The following ATP7A variants were observed in gnomAD, a reference collection of about 807,000 sequenced individuals.
ATP7A encodes the protein ATPase copper transporting alpha.
Under a neutral mutation model 83.5 loss-of-function variants are expected in ATP7A, and 7 were observed. The ratio of observed to expected loss-of-function variants is 0.08; its 90% CI spans 0.05 to 0.16. The LOEUF is 0.16. ATP7A is among the 10% of genes least tolerant of loss of function. ATP7A has a pLI of 1.00. For synonymous variants in ATP7A, 354 were observed against 395.2 expected (o/e 0.90, Z 1.24); for missense variants, 940 against 1,120.8 (o/e 0.84, Z 2.30).
intron 6 of ATP7A, among the ~76,000 whole-genome samples, chrX:78,003,894 A>T (rs1557233454): frequency 9.0e-6 from 1 of 111,264 alleles, no homozygotes; most frequent in Admixed American, 9.6e-5. Flanking sequence ...GTGAGCTGAG[A>T]TCACACCACT....
In ATP7A at chrX:78,003,064, T is replaced by C. The variant is rs782356316; in HGVS notation, c.1544-9T>C. On this transcript the variant is annotated splice_polypyrimidine_tract_variant and intron_variant, in intron 5 of 22. Coordinates refer to ENST00000341514, the MANE Select transcript of ATP7A (RefSeq NM_000052.7). ...TTATCTGTATTGTTTTTCTTATCAA[T>C]GCTCTTAGGAATATATTCTATACTT... The C allele has an allele frequency of 1.7e-6, 2 of 1,205,593 alleles. No individual in the cohort carries two copies. The highest frequency in any genetic ancestry group is 3.5e-5 in the South Asian group (2 of 56,751).
intron 6 of ATP7A, among the ~76,000 whole-genome samples, chrX:78,006,794 A>T (rs2077778835): frequency 8.9e-6 from 1 of 112,287 alleles, no homozygotes; most frequent in Non-Finnish European, 1.9e-5. Context: ...ACCATAGTGT[A>T]TTCATGGTTG....
chrX:77,915,769 G>C (rs1299482353), intron 1 of ATP7A, among the ~76,000 whole-genome samples: 1 of 111,723 alleles, frequency 9.0e-6, no homozygotes, highest in African/African-American at 3.2e-5. Flanking sequence ...GCCCAGGCTG[G>C]AGTTGCAATG....
At chrX:77,970,419 C>T (rs1310327140) in intron 1 of ATP7A, among the ~76,000 whole-genome samples, 1 of 111,642 alleles carries the variant, frequency 9.0e-6, no homozygotes, top group Non-Finnish European at 1.9e-5. Flanking sequence ...GCCTGTAATC[C>T]CAGCACTTTG....
chrX:78,026,451 C>T (rs1319583780), intron 14 of ATP7A, among the ~76,000 whole-genome samples: 2 of 111,781 alleles, frequency 1.8e-5, no homozygotes, highest in Admixed American at 1.9e-4. Flanking sequence ...TACTGCTAGA[C>T]CTACAAAAAG....
intron 4 of ATP7A, among the ~76,000 whole-genome samples, chrX:77,991,633 A>G (rs1219683181): frequency 1.8e-5 from 2 of 111,375 alleles, no homozygotes; most frequent in Non-Finnish European, 3.8e-5. Flanking sequence ...TTTTTGAGGG[A>G]CTGCCAGACT....
Position 77,956,994 on chromosome X carries a change from G to T in ATP7A, c.-21-14627G>T, listed in dbSNP as rs1374380783. On this transcript the variant is annotated intron_variant, in intron 1 of 22. Transcript: ENST00000341514. ...GTATTTTTTGTAGAGACTGAGTTTT[G>T]CCATGTTGCCCAGGCTTGTCTCAAA... 1.1e-4 allele frequency among the ~76,000 whole-genome samples: 12 copies of T among 108,814 alleles called. No individual in the cohort carries two copies. The East Asian group carries it at 2.9e-3, about 26-fold the overall frequency. 94.5% of individuals were successfully genotyped at this position (108,814 alleles called of 115,157 possible).
chrX:77,980,732 G>A (rs181761981), intron 2 of ATP7A, among the ~76,000 whole-genome samples: 1,550 of 110,470 alleles, frequency 0.014, 10 homozygotes, highest in Non-Finnish European at 0.024. Context: ...GCAGTGGTGC[G>A]ATCTCGGCTC....
chrX:77,932,661 G>A (rs1026654121), intron 1 of ATP7A, among the ~76,000 whole-genome samples: 1 of 112,864 alleles, frequency 8.9e-6, no homozygotes, highest in Non-Finnish European at 1.9e-5. Flanking sequence ...CCGGCACCTC[G>A]GGAGGCCGAG....
At chrX:77,945,535 C>A (rs1411034356) in intron 1 of ATP7A, among the ~76,000 whole-genome samples, 2 of 111,969 alleles carry the variant, frequency 1.8e-5, no homozygotes, top group Non-Finnish European at 3.8e-5. Flanking sequence ...ACTGATATAG[C>A]TCACTACTAT....
At chrX:77,935,350 T>C (rs1557224971) in intron 1 of ATP7A, among the ~76,000 whole-genome samples, 1 of 112,110 alleles carries the variant, frequency 8.9e-6, no homozygotes, top group Non-Finnish European at 1.9e-5. Flanking sequence ...TTTTCAGTCA[T>C]GGAAAACTAA....
chrX:77,940,870 A>G (rs2077347605), intron 1 of ATP7A, among the ~76,000 whole-genome samples: 1 of 112,150 alleles, frequency 8.9e-6, no homozygotes, highest in Non-Finnish European at 1.9e-5. Context: ...ACAAAGCTTA[A>G]AAAGAATTTT....
chrX:78,033,071 T>C (rs2077992244), intron 16 of ATP7A, among the ~76,000 whole-genome samples: 1 of 112,597 alleles, frequency 8.9e-6, no homozygotes, highest in African/African-American at 3.2e-5. Context: ...ATGTTTTCTA[T>C]AAATTTTAGA....
Position 78,012,971 on chromosome X carries a change from C to A in ATP7A, c.2265C>A (p.Thr755=). 8.3e-7 allele frequency: 1 copy of A among 1,211,005 alleles called. No individual in the cohort carries two copies. Among genetic ancestry groups the A allele is most frequent in the Non-Finnish European group, 1.1e-6 (1 of 894,882 alleles). The change falls in exon 10 of 23, where the codon ACC becomes ACA. Residue 755 remains threonine (T), a synonymous_variant. Transcript: ENST00000341514. ...ACGTACTGATTGTGCTGGCAACCAC[C>A]ATTGCATTTGCCTACTCTTTGATTA... ...NMDVLIVLAT[T]IAFAYSLIIL... is the part of the protein sequence containing the mutation.
At position 77,971,687 on chromosome X, in the gene ATP7A, G is replaced by C; in HGVS notation, c.46G>C (p.Gly16Arg). The change falls in exon 2 of 23, where the codon GGT becomes CGT. Residue 16 changes from glycine (G) to arginine (R), a missense_variant. Physicochemically the swap from Gly to Arg is moderately radical, Grantham distance 125 (BLOSUM62 -2). This residue lies in a region of ATP7A where 350 missense variants were observed against 432.8 expected (regional missense o/e 0.81). Coordinates refer to ENST00000341514, the MANE Select transcript of ATP7A (RefSeq NM_000052.7). ...GVNSVTISVEGMTCNSCVWTI... is the reference protein window; with the variant it reads ...GVNSVTISVERMTCNSCVWTI... ...GAATTCTGTTACCATTTCTGTTGAG[G>C]GTATGACTTGCAATTCCTGTGTTTG... The C allele has an allele frequency of 8.3e-7, 1 of 1,209,946 alleles. No individual in the cohort carries two copies. Among genetic ancestry groups the C allele is most frequent in the Non-Finnish European group, 1.1e-6 (1 of 894,016 alleles).
At chrX:77,920,419 A>T (rs1180922517) in intron 1 of ATP7A, among the ~76,000 whole-genome samples, 1 of 109,458 alleles carries the variant, frequency 9.1e-6, no homozygotes, top group African/African-American at 3.3e-5. Flanking sequence ...GGGTTTCAAC[A>T]TGTTAGCCAG....
intron 1 of ATP7A, among the ~76,000 whole-genome samples, chrX:77,912,407 C>T (rs1016039848): frequency 1.8e-5 from 2 of 111,064 alleles, no homozygotes; most frequent in Non-Finnish European, 3.8e-5. Flanking sequence ...GAAAGTTGCC[C>T]GACATCCAGT....
intron 14 of ATP7A, 127 bp downstream of exon 14, chrX:78,021,206 A>G (rs2077903684): frequency 1.4e-6 from 1 of 721,499 alleles, no homozygotes; most frequent in Non-Finnish European, 2.0e-6. Context: ...GAGAGTGATA[A>G]GAATAATATT....
intron 4 of ATP7A, 118 bp from the exon 5 acceptor site, chrX:77,998,360 C>G: frequency 1.4e-6 from 1 of 723,174 alleles, no homozygotes; most frequent in Non-Finnish European, 2.2e-6. Flanking sequence ...ATAGTAGGAA[C>G]TTGCTCGTTT....
Sources: allele counts gnomAD v4.1 joint callset (sites outside exome capture counted in the v4.1 genomes callset), GRCh38; gene constraint gnomAD v4.1.1; regional missense constraint gnomAD v4.1.1; transcripts MANE v1.5; gene names NCBI Gene and HGNC (gene_info 2026-07-23, HGNC 2026-07-21).